The following RGS3 variants were observed in gnomAD, a reference collection of about 807,000 sequenced individuals.
RGS3 encodes the protein regulator of G-protein signalling 3.
RGS3 carries 80 observed loss-of-function variants against 132.6 expected under a neutral mutation model. That is an observed-to-expected ratio of 0.60 (90% CI 0.50 to 0.73). The LOEUF is 0.73. RGS3 is among the 30% of genes least tolerant of loss of function. The pLI is 0.00. For synonymous variants in RGS3, 598 were observed against 620.6 expected (o/e 0.96, Z 0.54); for missense variants, 1,382 against 1,530.8 (o/e 0.90, Z 1.62).
intron 3 of RGS3, among the ~76,000 whole-genome samples, chr9:113,464,733 T>A (rs971564690): frequency 2.0e-5 from 3 of 152,224 alleles, no homozygotes; most frequent in Non-Finnish European, 4.4e-5. Flanking sequence ...GTCCAGCGCA[T>A]TTTTGTTTGA....
chr9:113,536,699 C>T (rs576981468), intron 18 of RGS3, 97 bp from the exon 17 acceptor site: 2 of 1,540,508 alleles, frequency 1.3e-6, no homozygotes, highest in East Asian at 2.3e-5. Context: ...TGGCTGCAGC[C>T]TCACCCTCTG....
Position 113,508,559 on chromosome 9 carries a change from C to T in RGS3, c.1456C>T (p.Gln486Ter). ...CTTGCAGCTGCTCCGGCCTGTGTAC[C>T]AGGAGGATACCATCCCCGAAGGTGA... The change falls in exon 14 of 25, where the codon CAG (glutamine) becomes TAG (stop). Residue 486 changes from glutamine to a stop codon, truncating the protein, a stop_gained. Transcript: ENST00000350696. LOFTEE classifies it high-confidence loss of function. The T allele has an allele frequency of 6.2e-7, 1 of 1,612,566 alleles. No individual in the cohort carries two copies. The highest frequency in any genetic ancestry group is 8.5e-7 in the Non-Finnish European group (1 of 1,180,006).
At chr9:113,482,955 C>G in intron 4 of RGS3, 104 bp from the exon 3 acceptor site, 3 of 1,590,734 alleles carry the variant, frequency 1.9e-6, no homozygotes, top group Non-Finnish European at 1.7e-6. Context: ...CTTTTCAGGT[C>G]TCTTTATTCG....
rs769423908 is a variant in RGS3 at position 113,507,277 on chromosome 9, C to T, written c.1086-10C>T. 131 of 1,595,126 alleles carry T rather than the reference C, an allele frequency of 8.2e-5. No individual in the cohort carries two copies. Among genetic ancestry groups the T allele is most frequent in the Non-Finnish European group, 1.1e-4 (131 of 1,169,222 alleles). On this transcript the variant is annotated splice_polypyrimidine_tract_variant and intron_variant, in intron 12 of 24. Transcript: ENST00000350696. This position sits in a 1 kb window ranked among gnomAD's most constrained non-coding sequence, Gnocchi z 5.0. The stretch of plus-strand genomic sequence containing the variant: ...GGCTCAACCTGTCTGTGTGATCCCC[C>T]ACCTTCCAGGAGCTGCCCCAGTGAG...
chr9:113,459,400 C>T (rs191661899), upstream of RGS3, among the ~76,000 whole-genome samples: 2 of 152,134 alleles, frequency 1.3e-5, no homozygotes, highest in Admixed American at 6.5e-5. Flanking sequence ...GAAAATCATC[C>T]AGTTCCTTTC....
At chr9:113,582,333 G>A (rs1048790317) in intron 19 of RGS3, 2 of 526,474 alleles carry the variant, frequency 3.8e-6, no homozygotes, top group African/African-American at 4.1e-5. Context: ...ATGTTCTGGG[G>A]GTACTTACCC....
At chr9:113,451,188 G>GAA (rs1204091741) in intron 1 of RGS3, among the ~76,000 whole-genome samples, 5,573 of 108,466 alleles carry the variant, frequency 0.051, 150 homozygotes, top group South Asian at 0.13. Context: ...CAAAAAAAAA[G>GAA]AAAAAAAAAA....
At chr9:113,456,536 C>G (rs958689792), upstream of RGS3, among the ~76,000 whole-genome samples, 2 of 152,204 alleles carry the variant, frequency 1.3e-5, no homozygotes, top group Non-Finnish European at 2.9e-5. Context: ...CCTATTGCCA[C>G]TTCCCTAGTT....
chr9:113,456,164 G>A (rs1829358117), upstream of RGS3, among the ~76,000 whole-genome samples: 1 of 151,968 alleles, frequency 6.6e-6, no homozygotes, highest in Non-Finnish European at 1.5e-5. Context: ...TTTTTCAGTT[G>A]GTACTACTCT....
intron 20 of RGS3, among the ~76,000 whole-genome samples, chr9:113,585,527 A>G (rs1362759563): frequency 1.3e-5 from 2 of 152,196 alleles, no homozygotes; most frequent in Admixed American, 6.5e-5. Context: ...TGACTCAGAG[A>G]TCTAGAACTT....
At chr9:113,479,764 T>G (rs1830103515) in intron 4 of RGS3, among the ~76,000 whole-genome samples, 1 of 152,164 alleles carries the variant, frequency 6.6e-6, no homozygotes, top group Admixed American at 6.5e-5. Flanking sequence ...TGGTAGACCT[T>G]TCTCATTGAC....
At chr9:113,498,438 C>T (rs954160632) in intron 10 of RGS3, among the ~76,000 whole-genome samples, 1 of 152,168 alleles carries the variant, frequency 6.6e-6, no homozygotes, top group Non-Finnish European at 1.5e-5. Flanking sequence ...CAGGTTAGGC[C>T]TGCTTGATGT....
chr9:113,467,642 T>C lies in RGS3; in HGVS notation c.415+5441T>C, dbSNP rs1314900702. ...CTAGATGCAAGCTCCTTAACCGATA[T>C]ATGATTTGCAAATATTTTCTCTCTA... On this transcript the variant is annotated intron_variant, in intron 3 of 24. Coordinates refer to ENST00000350696, the Ensembl canonical transcript of RGS3. Among the ~76,000 whole-genome samples the C allele has an allele frequency of 3.3e-5, 5 of 152,340 alleles. No homozygotes were observed. The East Asian group carries it at 7.7e-4, about 23-fold the overall frequency.
chr9:113,568,313 G>A (rs1210274131), intron 19 of RGS3, among the ~76,000 whole-genome samples: 1 of 152,222 alleles, frequency 6.6e-6, no homozygotes, highest in African/African-American at 2.4e-5. Context: ...CTAGAGCCCT[G>A]CTATCCTCTG....
chr9:113,487,872 C>T (rs1830387942), intron 7 of RGS3, among the ~76,000 whole-genome samples: 1 of 152,140 alleles, frequency 6.6e-6, no homozygotes, highest in African/African-American at 2.4e-5. Context: ...TGTCAGGAAC[C>T]TAGATTCTTA....
intron 19 of RGS3, among the ~76,000 whole-genome samples, chr9:113,561,516 G>A (rs941279207): frequency 4.0e-5 from 6 of 150,688 alleles, no homozygotes; most frequent in Middle Eastern, 3.3e-3. Flanking sequence ...GGGCTCAAGC[G>A]ATCCTCCCAC....
exon 25 of RGS3, chr9:113,597,295 G>A (rs894541599): frequency 1.0e-5 from 2 of 196,066 alleles, no homozygotes; most frequent in Admixed American, 1.1e-4. Context: ...CTGGCTGATG[G>A]GGCAGGAGGT....
intron 10 of RGS3, chr9:113,501,308 C>T (rs1365904703): frequency 2.7e-5 from 24 of 897,744 alleles, no homozygotes; most frequent in East Asian, 1.4e-4. Context: ...CCGCCGGGCC[C>T]GGGGAATACT....
intron 14 of RGS3, 92 bp from the exon 13 acceptor site, chr9:113,514,366 A>G: frequency 8.6e-7 from 1 of 1,156,650 alleles, no homozygotes; most frequent in Non-Finnish European, 1.2e-6. Flanking sequence ...GTGGTTGTTG[A>G]CGGAATGAGT....
Sources: allele counts gnomAD v4.1 joint callset (sites outside exome capture counted in the v4.1 genomes callset), GRCh38; gene constraint gnomAD v4.1.1; non-coding constraint Gnocchi (gnomAD v3.1); transcripts MANE v1.5; gene names NCBI Gene and HGNC (gene_info 2026-07-23, HGNC 2026-07-21).